The following AOAH variants were observed in gnomAD, a reference collection of about 807,000 sequenced individuals.
AOAH encodes acyloxyacyl hydrolase (neutrophil).
Under a neutral mutation model 92.2 loss-of-function variants are expected in AOAH, and 64 were observed. The observed-to-expected ratio is 0.69, with a 90% CI of 0.57 to 0.86. The LOEUF (loss-of-function observed/expected upper bound fraction) is 0.86. Ranked by LOEUF, AOAH falls within the 40% of genes least tolerant of loss-of-function variation. The probability of loss-of-function intolerance (pLI) is 0.00; values close to 1 mark genes in which losing one functional copy is unlikely to be tolerated. For missense variants in AOAH, 656 were observed against 694.6 expected, an observed-to-expected ratio of 0.94 and a Z score of 0.62; for synonymous variants, 263 against 254.5, an observed-to-expected ratio of 1.03 and a Z score of -0.32.
Position 36,540,313 on chromosome 7 carries a change from T to G in AOAH, c.1306+6A>C. On this transcript the variant is annotated splice_donor_region_variant and intron_variant, in intron 16 of 20. Coordinates refer to ENST00000617537, the MANE Select transcript of AOAH (RefSeq NM_001637.4). ...TTAAAGAGTAAAAGAATCTTCAAAC[T>G]GATACCGAGAGGATGATATCTGTTG... 1 of 1,606,396 alleles carries G rather than the reference T, an allele frequency of 6.2e-7. No individual in the cohort carries two copies. The highest frequency in any genetic ancestry group is 8.5e-7 in the Non-Finnish European group (1 of 1,175,542).
intron 9 of AOAH, among the ~76,000 whole-genome samples, 158 bp downstream of exon 9, chr7:36,620,623 C>T (rs1321586232): frequency 1.3e-5 from 2 of 152,208 alleles, no homozygotes; most frequent in African/African-American, 2.4e-5. Context: ...ACTCTTCATG[C>T]ATCATCAGGA....
intron 11 of AOAH, among the ~76,000 whole-genome samples, chr7:36,604,612 G>A (rs773232606): frequency 2.0e-5 from 3 of 152,190 alleles, no homozygotes; most frequent in Non-Finnish European, 2.9e-5. Context: ...AGGGATATGT[G>A]TGCCTTCACT....
rs965368680 is a variant in AOAH, at chr7:36,724,376, G to T, written c.-228C>A. 3 of 412,076 alleles carry T rather than the reference G, an allele frequency of 7.3e-6. No homozygotes were observed. The allele number at this position is 412,076 out of a possible 1,614,324, so 25.5% of individuals were successfully genotyped here. On this transcript the variant is annotated 5_prime_UTR_variant, in exon 1 of 21. Transcript: ENST00000617537. ...AGCTTGCTCTTGTTGGACCCTGAGA[G>T]AGCCACACACAAAGAGCTGGAGGGA...
intron 19 of AOAH, among the ~76,000 whole-genome samples, chr7:36,523,629 G>GTTTTTTTTTTTTTTTTTT (rs57628897): frequency 5.0e-5 from 5 of 100,138 alleles, no homozygotes; most frequent in African/African-American, 1.2e-4. Flanking sequence ...TGTTTTGCCT[G>GTTTTTTTTTTTTTTTTTT]TTTTTTTTTT....
rs1799812419 is a variant in AOAH at position 36,723,985 on chromosome 7, G to A, written c.127+37C>T. On this transcript the variant is annotated intron_variant, in intron 1 of 20. Coordinates refer to ENST00000617537, the MANE Select transcript of AOAH (RefSeq NM_001637.4). ...GCAAAGTACTGGATCCCATTGTTAT[G>A]TCTACATAGAAAATACAAAAATATT... The A allele has an allele frequency of 8.7e-6, 14 of 1,601,274 alleles. No homozygotes were observed. In the South Asian group the frequency reaches 1.3e-4, roughly 15 times the overall value.
chr7:36,668,665 C>G (rs1457603931), intron 3 of AOAH, among the ~76,000 whole-genome samples: 5 of 152,036 alleles, frequency 3.3e-5, no homozygotes, highest in Non-Finnish European at 1.5e-5. Flanking sequence ...TTTTGTATTT[C>G]TAGTAGAGAC....
At chr7:36,690,791 A>C (rs2116815879) in intron 1 of AOAH, among the ~76,000 whole-genome samples, 1 of 152,140 alleles carries the variant, frequency 6.6e-6, no homozygotes, top group Non-Finnish European at 1.5e-5. Flanking sequence ...AGAAACAGAC[A>C]CTCCTGGTAG....
At chr7:36,541,972 T>C (rs1785457159) in intron 15 of AOAH, among the ~76,000 whole-genome samples, 1 of 152,236 alleles carries the variant, frequency 6.6e-6, no homozygotes, top group African/African-American at 2.4e-5. Flanking sequence ...TTCTCTTTTG[T>C]GTACTTAAAA....
chr7:36,668,574 C>T (rs1186627861), intron 3 of AOAH, among the ~76,000 whole-genome samples: 1 of 152,224 alleles, frequency 6.6e-6, no homozygotes, highest in African/African-American at 2.4e-5. Flanking sequence ...GCAACCTTCG[C>T]CTCCTGGGTT....
chr7:36,681,468 A>G (rs73344060), intron 2 of AOAH, among the ~76,000 whole-genome samples: 3,476 of 152,246 alleles, frequency 0.023, 116 homozygotes, highest in African/African-American at 0.079. Context: ...AGCCTTCGCA[A>G]GGGAGGAGTA....
intron 2 of AOAH, among the ~76,000 whole-genome samples, chr7:36,686,215 T>A (rs1796998992): frequency 6.6e-6 from 1 of 152,226 alleles, no homozygotes; most frequent in Non-Finnish European, 1.5e-5. Flanking sequence ...CTAGTTTAAA[T>A]TAATGAAATG....
Position 36,617,887 on chromosome 7 carries a change from C to CAGAG in AOAH, c.751+406_751+409dup, listed in dbSNP as rs532466380. On this transcript the variant is annotated intron_variant, in intron 10 of 20. Transcript: ENST00000617537. ...ATATGCATCTTTAGCCTAGTGGACA[C>CAGAG]AGAGACTCATCCCACCAGTAGAAGT... Among the ~76,000 whole-genome samples, 499 of 152,342 alleles carry CAGAG rather than the reference C, an allele frequency of 3.3e-3. 1 individual carries two copies. The highest frequency in any genetic ancestry group is 0.011 in the African/African-American group (478 of 41,572).
At chr7:36,627,960 G>T (rs1226678359) in intron 6 of AOAH, among the ~76,000 whole-genome samples, 1 of 152,166 alleles carries the variant, frequency 6.6e-6, no homozygotes. Flanking sequence ...ATCTCCATGT[G>T]TGCCTGCCTC....
At chr7:36,584,219 T>C (rs939795854) in intron 12 of AOAH, among the ~76,000 whole-genome samples, 1 of 152,256 alleles carries the variant, frequency 6.6e-6, no homozygotes, top group Non-Finnish European at 1.5e-5. Flanking sequence ...AAAACTTATT[T>C]GACTTAACAC....
At chr7:36,545,548 C>T (rs1048084875) in intron 15 of AOAH, among the ~76,000 whole-genome samples, 2 of 152,254 alleles carry the variant, frequency 1.3e-5, no homozygotes, top group Admixed American at 6.5e-5. Flanking sequence ...TAACCTGAAG[C>T]GTTGGCATTG....
intron 16 of AOAH, among the ~76,000 whole-genome samples, chr7:36,536,092 C>T (rs182175576): frequency 2.9e-4 from 44 of 152,192 alleles, no homozygotes; most frequent in South Asian, 1.9e-3. Flanking sequence ...TTGTCCCTGG[C>T]AGGAGTGAGA....
chr7:36,633,923 C>G (rs193290254), intron 5 of AOAH, among the ~76,000 whole-genome samples: 189 of 152,244 alleles, frequency 1.2e-3, no homozygotes, highest in African/African-American at 4.3e-3. Context: ...TGGCCTGTGA[C>G]CCCCAGATGC....
At position 36,532,341 on chromosome 7, in the gene AOAH, T is replaced by A. The variant is rs774329037; in HGVS notation, c.1310A>T (p.Gln437Leu). 6.2e-7 allele frequency: 1 copy of A among 1,613,670 alleles called. No homozygotes were observed. The highest frequency in any genetic ancestry group is 8.5e-7 in the Non-Finnish European group (1 of 1,180,028). Reference sequence around the variant, plus strand: ...CGCATAGGTCATGTCTTTATTTAGCTGGCCTGGAAAACAGAGAGGTCTGGT... The same window carrying A: ...CGCATAGGTCATGTCTTTATTTAGCAGGCCTGGAAAACAGAGAGGTCTGGT... ...NLHNRYHPLGQLNKDMTYAQL... is the reference protein window; with the variant it reads ...NLHNRYHPLGLLNKDMTYAQL... Residue 437 changes from glutamine to leucine, a missense_variant, in exon 17 of 21, where the codon CAG (glutamine) becomes CTG (leucine). By Grantham distance (113) the Gln-to-Leu change is moderately radical. Transcript: ENST00000617537.
At chr7:36,585,563 T>G (rs2392451) in intron 12 of AOAH, among the ~76,000 whole-genome samples, 36,250 of 152,102 alleles carry the variant, frequency 0.24, 5,410 homozygotes, top group African/African-American at 0.42. Context: ...AGAATAATGA[T>G]ACTCTGGATA....
Sources: allele counts gnomAD v4.1 joint callset (sites outside exome capture counted in the v4.1 genomes callset), GRCh38; gene constraint gnomAD v4.1.1; transcripts MANE v1.5; gene names NCBI Gene and HGNC (gene_info 2026-07-23, HGNC 2026-07-21).